OR9K2: variants seen among roughly 807,000 people sequenced by gnomAD.
OR9K2 encodes olfactory receptor family 9 subfamily K member 2, also known as olfactory receptor 9K2.
OR9K2 carries 16 observed loss-of-function variants against 12.4 expected under a neutral mutation model. The ratio of observed to expected loss-of-function variants is 1.29; its 90% CI spans 0.87 to 1.95. OR9K2 has a LOEUF of 1.95. OR9K2 is among the 30% of genes most tolerant of loss of function. The pLI is 0.00. For missense variants in OR9K2, 434 were observed against 376.5 expected (o/e 1.15, Z -1.26); for synonymous variants, 133 against 133.2 (o/e 1.00, Z 0.01).
chr12:55,128,091 T>C (rs1251899911), intron 2 of OR9K2, among the ~76,000 whole-genome samples: 1 of 151,958 alleles, frequency 6.6e-6, no homozygotes, highest in East Asian at 1.9e-4. Flanking sequence ...ATCATTATCA[T>C]TCAACTTTTA....
chr12:55,127,090 AGTTT>A (rs1953434285), intron 2 of OR9K2, among the ~76,000 whole-genome samples, 179 bp downstream of exon 2: 1 of 151,890 alleles, frequency 6.6e-6, no homozygotes, highest in Non-Finnish European at 1.5e-5. Flanking sequence ...TATTTTAATA[AGTTT>A]GTTTTTTTAT....
Position 55,130,682 on chromosome 12 carries a change from C to G in OR9K2, c.848C>G (p.Thr283Ser), listed in dbSNP as rs770963850. ...KVASLCYSLV[T>S]PMLNPLIYSL... ...GCATCCTTATGTTACTCCCTAGTCACTCCCATGTTGAATCCTTTGATTTAC... is the reference window on the plus strand; with the variant it reads ...GCATCCTTATGTTACTCCCTAGTCAGTCCCATGTTGAATCCTTTGATTTAC... The change falls in exon 3 of 3, where the codon ACT (threonine) becomes AGT (serine). Residue 283 changes from threonine to serine, a missense_variant. By Grantham distance (58) the Thr-to-Ser change is moderately conservative (BLOSUM62 1). Coordinates refer to ENST00000641329, the MANE Select transcript of OR9K2 (RefSeq NM_001005243.2). 9 of 1,612,104 alleles carry G rather than the reference C, an allele frequency of 5.6e-6. No individual in the cohort carries two copies. Among genetic ancestry groups the G allele is most frequent in the Admixed American group, 1.7e-5 (1 of 59,960 alleles).
intron 2 of OR9K2, among the ~76,000 whole-genome samples, chr12:55,127,376 T>G (rs6581021): frequency 0.32 from 49,200 of 151,396 alleles, 8,226 homozygotes; most frequent in Middle Eastern, 0.4. Flanking sequence ...GAAGATAAAT[T>G]ATATATATTA....
chr12:55,131,094 G>A lies in OR9K2; in HGVS notation c.*318G>A, dbSNP rs1009723012. ...ACAATATTTTGTATTTTGTTATAGTGCTTCAGCAAGATTTTATCTGGTGTT... is the reference window on the plus strand; with the variant it reads ...ACAATATTTTGTATTTTGTTATAGTACTTCAGCAAGATTTTATCTGGTGTT... On this transcript the variant is annotated 3_prime_UTR_variant, in exon 3 of 3. Coordinates refer to ENST00000641329, the MANE Select transcript of OR9K2 (RefSeq NM_001005243.2). 1 of 185,372 alleles carries A rather than the reference G, an allele frequency of 5.4e-6. No individual in the cohort carries two copies. The highest frequency in any genetic ancestry group is 1.1e-5 in the Non-Finnish European group (1 of 90,008). The allele number at this position is 185,372 out of a possible 1,614,324, so 11.5% of individuals were successfully genotyped here. A position where few individuals can be genotyped will look rare whatever the true frequency, so the allele number is the denominator to read the frequency against.
chr12:55,128,800 A>G (rs910270232), intron 2 of OR9K2, among the ~76,000 whole-genome samples: 5 of 152,174 alleles, frequency 3.3e-5, no homozygotes, highest in Non-Finnish European at 5.9e-5. Context: ...CAGGGCAAAT[A>G]AAAGTGTAAT....
In OR9K2 at chr12:55,130,639, C is replaced by G. The variant is rs148051420; in HGVS notation, c.805C>G (p.Pro269Ala). 6.2e-7 allele frequency: 1 copy of G among 1,613,736 alleles called. No homozygotes were observed. Among genetic ancestry groups the G allele is most frequent in the Admixed American group, 1.7e-5 (1 of 59,968 alleles). ...FFMYLTPDRF[P>A]ELSKVASLCY... ...TATGTATCTCACTCCTGACAGATTT[C>G]CTGAGCTGAGTAAAGTGGCATCCTT... The change falls in exon 3 of 3, where the codon CCT (proline) becomes GCT (alanine). Residue 269 changes from proline (P) to alanine (A), a missense_variant. By Grantham distance (27) the Pro-to-Ala change is conservative (BLOSUM62 -1). Coordinates refer to ENST00000641329, the MANE Select transcript of OR9K2 (RefSeq NM_001005243.2).
chr12:55,128,226 C>T (rs1953442251), intron 2 of OR9K2, among the ~76,000 whole-genome samples: 1 of 151,662 alleles, frequency 6.6e-6, no homozygotes, highest in South Asian at 2.1e-4. Flanking sequence ...TATGTAACCT[C>T]AATATTAAAA....
Position 55,129,833 on chromosome 12 carries a change from C to A in OR9K2, c.-2C>A, listed in dbSNP as rs150635361. On this transcript the variant is annotated 5_prime_UTR_variant, in exon 3 of 3. Coordinates refer to ENST00000641329, the MANE Select transcript of OR9K2 (RefSeq NM_001005243.2). ...CCCTGTGCCTCTCAACAGGTTTCTA[C>A]CATGGGTGACAGGGGAACAAGCAAT... 190 of 1,613,006 alleles carry A rather than the reference C, an allele frequency of 1.2e-4. No individual in the cohort carries two copies. Among genetic ancestry groups the A allele is most frequent in the Non-Finnish European group, 1.6e-4 (188 of 1,179,188 alleles).
chr12:55,130,726 G>A lies in OR9K2; in HGVS notation c.892G>A (p.Val298Ile). Residue 298 changes from valine to isoleucine, a missense_variant, in exon 3 of 3, where the codon GTC (valine) becomes ATC (isoleucine). Transcript: ENST00000641329. Reference sequence around the variant, plus strand: ...GATTTACTCTCTGAGGAACAAAGATGTCCAAGAGGCTCTAAAAAAATTTCT... The same window carrying A: ...GATTTACTCTCTGAGGAACAAAGATATCCAAGAGGCTCTAAAAAAATTTCT... ...PLIYSLRNKD[V>I]QEALKKFLEK... 1.3e-6 allele frequency: 2 copies of A among 1,596,378 alleles called. No individual in the cohort carries two copies. The highest frequency in any genetic ancestry group is 2.3e-5 in the South Asian group (2 of 87,870).
At position 55,130,662 on chromosome 12, in the gene OR9K2, C is replaced by A; in HGVS notation, c.828C>A (p.Ser276=). ...TTCCTGAGCTGAGTAAAGTGGCATC[C>A]TTATGTTACTCCCTAGTCACTCCCA... ...DRFPELSKVA[S]LCYSLVTPML... Residue 276 remains serine, a synonymous_variant, in exon 3 of 3, where the codon TCC becomes TCA. Coordinates refer to ENST00000641329, the MANE Select transcript of OR9K2 (RefSeq NM_001005243.2). The A allele has an allele frequency of 1.9e-6, 3 of 1,613,086 alleles. No homozygotes were observed. The highest frequency in any genetic ancestry group is 2.5e-6 in the Non-Finnish European group (3 of 1,179,174).
intron 2 of OR9K2, among the ~76,000 whole-genome samples, chr12:55,127,357 GAAT>G (rs938992903): frequency 2.2e-4 from 34 of 151,690 alleles, no homozygotes; most frequent in African/African-American, 7.5e-4. Context: ...TTCTAGATGA[GAAT>G]AAAATGAAGA....
Position 55,132,347 on chromosome 12 carries a change from T to G in OR9K2, c.*1571T>G, listed in dbSNP as rs1953480711. 1.3e-5 allele frequency: 2 copies of G among 152,254 alleles called. No homozygotes were observed. The highest frequency in any genetic ancestry group is 1.3e-4 in the Admixed American group (2 of 15,274). The allele number at this position is 152,254 out of a possible 1,614,324, so 9.4% of individuals were successfully genotyped here. A position where few individuals can be genotyped will look rare whatever the true frequency, so the allele number is the denominator to read the frequency against. On this transcript the variant is annotated 3_prime_UTR_variant, in exon 3 of 3. Coordinates refer to ENST00000641329, the MANE Select transcript of OR9K2 (RefSeq NM_001005243.2). The stretch of plus-strand genomic sequence containing the variant: ...TTCAGAATGTGACTTTAATTAGTGA[T>G]AGGGTCTTCAAAGATGTAATTGAGT...
intron 2 of OR9K2, among the ~76,000 whole-genome samples, chr12:55,129,399 A>G (rs891904619): frequency 6.6e-6 from 1 of 152,006 alleles, no homozygotes; most frequent in African/African-American, 2.4e-5. Context: ...AAACTTGGCT[A>G]CTAAAACCCC....
Position 55,131,495 on chromosome 12 carries a change from G to C in OR9K2, c.*719G>C, listed in dbSNP as rs1002826306. 1 of 152,100 alleles carries C rather than the reference G, an allele frequency of 6.6e-6. No homozygotes were observed. The highest frequency in any genetic ancestry group is 2.4e-5 in the African/African-American group (1 of 41,422). 9.4% of individuals were successfully genotyped at this position (152,100 alleles called of 1,614,324 possible). ...TTGTGTTAATAATTGATAAGGAATAGTTAATAAAGGTATAGAATCAGGGAA... is the reference window on the plus strand; with the variant it reads ...TTGTGTTAATAATTGATAAGGAATACTTAATAAAGGTATAGAATCAGGGAA... On this transcript the variant is annotated 3_prime_UTR_variant, in exon 3 of 3. Coordinates refer to ENST00000641329, the MANE Select transcript of OR9K2 (RefSeq NM_001005243.2).
chr12:55,126,698 T>C (rs1440938146), intron 1 of OR9K2, 130 bp from the exon 2 acceptor site: 1 of 152,146 alleles, frequency 6.6e-6, no homozygotes, highest in African/African-American at 2.4e-5. Context: ...CATTTATCTA[T>C]GGGAAGAATC....
chr12:55,130,417 C>G lies in OR9K2; in HGVS notation c.583C>G (p.Leu195Val), dbSNP rs761735096. Residue 195 changes from leucine (L) to valine (V), a missense_variant, in exon 3 of 3, where the codon CTC (leucine) becomes GTC (valine). Leu to Val is a conservative substitution (Grantham distance 32). Transcript: ENST00000641329. Reference sequence around the variant, plus strand: ...ACTTCAGAGACTGTCTTGTTCTGATCTCTTTATCCATAGAATGATATCTTT... The same window carrying G: ...ACTTCAGAGACTGTCTTGTTCTGATGTCTTTATCCATAGAATGATATCTTT... Reference protein sequence around the residue: ...RPLQRLSCSDLFIHRMISFSL... With the variant: ...RPLQRLSCSDVFIHRMISFSL... 3.1e-6 allele frequency: 5 copies of G among 1,613,818 alleles called. No homozygotes were observed. The South Asian group carries it at 5.5e-5, about 18-fold the overall frequency.
Position 55,131,373 on chromosome 12 carries a change from G to C in OR9K2, c.*597G>C, listed in dbSNP as rs1331854590. On this transcript the variant is annotated 3_prime_UTR_variant, in exon 3 of 3. Transcript: ENST00000641329. ...TGTGGAGTGCTCTAAGGTACTGCTA[G>C]TTGCTGAATCCCAGTGCAAAGAACT... is the stretch of plus-strand genomic sequence containing the variant. 6.6e-6 allele frequency: 1 copy of C among 152,162 alleles called. No homozygotes were observed. The highest frequency in any genetic ancestry group is 1.5e-5 in the Non-Finnish European group (1 of 68,032). The allele number at this position is 152,162 out of a possible 1,614,324, so 9.4% of individuals were successfully genotyped here. A position where few individuals can be genotyped will look rare whatever the true frequency, so the allele number is the denominator to read the frequency against.
At chr12:55,129,609 C>G (rs944871793) in intron 2 of OR9K2, 4 of 604,406 alleles carry the variant, frequency 6.6e-6, no homozygotes, top group Admixed American at 3.0e-5. Context: ...GGCAAAAAAC[C>G]TAACTCTAAC....
At position 55,130,985 on chromosome 12, in the gene OR9K2, A is replaced by G. The variant is rs1392782012; in HGVS notation, c.*209A>G. The G allele has an allele frequency of 2.5e-6, 1 of 404,662 alleles. No individual in the cohort carries two copies. Among genetic ancestry groups the G allele is most frequent in the Non-Finnish European group, 4.4e-6 (1 of 227,236 alleles). 25.1% of individuals were successfully genotyped at this position (404,662 alleles called of 1,614,324 possible). Reference sequence around the variant, plus strand: ...GAGATATCCTGGACATTAGAGAAGTATTTTCATGATAAACCCTCTCACTGG... The same window carrying G: ...GAGATATCCTGGACATTAGAGAAGTGTTTTCATGATAAACCCTCTCACTGG... On this transcript the variant is annotated 3_prime_UTR_variant, in exon 3 of 3. Transcript: ENST00000641329.
Sources: gnomAD v4.1 joint callset for allele counts (sites outside exome capture counted in the v4.1 genomes callset) on GRCh38, gnomAD v4.1.1 for gene constraint, MANE v1.5 for transcripts, NCBI Gene and HGNC (gene_info 2026-07-23, HGNC 2026-07-21) for gene names.